PLEKHG3: variants seen among roughly 807,000 people sequenced by gnomAD.
PLEKHG3 encodes pleckstrin homology and RhoGEF domain containing G3, also known as pleckstrin homology domain-containing family G member 3.
A neutral mutation model predicts 94.9 loss-of-function variants in PLEKHG3; 62 were observed. The ratio of observed to expected loss-of-function variants is 0.65; its 90% confidence interval spans 0.53 to 0.81. The LOEUF (loss-of-function observed/expected upper bound fraction) is 0.81, where lower values mean the gene tolerates loss of function less well. Ranked by LOEUF, PLEKHG3 falls within the 30% of genes least tolerant of loss-of-function variation. The pLI, the probability that PLEKHG3 is intolerant of heterozygous loss-of-function variation, is 0.00. For missense variants in PLEKHG3, 1,461 were observed against 1,619.3 expected (o/e 0.90, Z 1.68); for synonymous variants, 614 against 654.0 (o/e 0.94, Z 0.93).
Position 64,725,445 on chromosome 14 carries a change from T to TGG in PLEKHG3, c.-39-2144_-39-2143dup, listed in dbSNP as rs1462150777. Among the ~76,000 whole-genome samples, 1 of 152,078 alleles carries TGG rather than the reference T, an allele frequency of 6.6e-6. No individual in the cohort carries two copies. The highest frequency in any genetic ancestry group is 1.5e-5 in the Non-Finnish European group (1 of 68,008). On this transcript the variant is annotated intron_variant, in intron 1 of 16. Transcript: ENST00000247226. The surrounding 1 kb of genome is among the most constrained non-coding windows in gnomAD (Gnocchi z 5.0). ...GAAGGACATCAGAGTGCCACAGGGC[T>TGG]GGGGGTTAAGGGCTGGGGTGGAGCT...
intron 3 of PLEKHG3, among the ~76,000 whole-genome samples, chr14:64,729,696 G>C (rs1175242030): frequency 6.6e-6 from 1 of 152,166 alleles, no homozygotes; most frequent in African/African-American, 2.4e-5. Flanking sequence ...CCTTAAGATG[G>C]GCAGAGGGAG....
At chr14:64,733,653 C>T (rs1308891320) in intron 12 of PLEKHG3, among the ~76,000 whole-genome samples, 7 of 152,162 alleles carry the variant, frequency 4.6e-5, no homozygotes, top group South Asian at 2.1e-4. Flanking sequence ...CCGGGGAAAA[C>T]GAGTTCAGTG....
intron 1 of PLEKHG3, among the ~76,000 whole-genome samples, chr14:64,719,823 G>A (rs1372334583): frequency 6.6e-6 from 1 of 152,220 alleles, no homozygotes; most frequent in Non-Finnish European, 1.5e-5. Context: ...GAAAGATGGC[G>A]AATTTGCAGG....
chr14:64,714,103 C>T (rs1308626799), intron 1 of PLEKHG3, among the ~76,000 whole-genome samples: 1 of 152,058 alleles, frequency 6.6e-6, no homozygotes, highest in African/African-American at 2.4e-5. Flanking sequence ...TCTTTGAGTG[C>T]CAGTTTGTTC....
At position 64,715,885 on chromosome 14, in the gene PLEKHG3, C is replaced by A; in HGVS notation, c.-40+11181C>A. ...ATGAGAGAAATGCAGAAAGTATGAC[C>A]CACACGCAGAACTGGTTCTGAATAG... is the stretch of plus-strand genomic sequence containing the variant. On this transcript the variant is annotated intron_variant, in intron 1 of 16. Coordinates refer to ENST00000247226, the MANE Select transcript of PLEKHG3 (RefSeq NM_001308147.2). The surrounding 1 kb of genome is among the most constrained non-coding windows in gnomAD (Gnocchi z 4.4). 1 of 361,170 alleles carries A rather than the reference C, an allele frequency of 2.8e-6. No individual in the cohort carries two copies. The highest frequency in any genetic ancestry group is 5.6e-6 in the Non-Finnish European group (1 of 179,120). The allele number at this position is 361,170 out of a possible 1,614,324, so 22.4% of individuals were successfully genotyped here.
Position 64,749,816 on chromosome 14 carries a change from G to C in PLEKHG3, c.*6113G>C. On this transcript the variant is annotated 3_prime_UTR_variant, in exon 17 of 17. Coordinates refer to ENST00000247226, the MANE Select transcript of PLEKHG3 (RefSeq NM_001308147.2). This position sits in a 1 kb window ranked among gnomAD's most constrained non-coding sequence, Gnocchi z 4.7. Reference sequence around the variant, plus strand: ...ATCCAGACCCCTCTCAGGCAGCCCAGCACTTTCTGAGAGGTCAAAGTCTGG... The same window carrying C: ...ATCCAGACCCCTCTCAGGCAGCCCACCACTTTCTGAGAGGTCAAAGTCTGG... 1 of 1,496,212 alleles carries C rather than the reference G, an allele frequency of 6.7e-7. No individual in the cohort carries two copies. The highest frequency in any genetic ancestry group is 2.4e-5 in the East Asian group (1 of 42,024). 92.7% of individuals were successfully genotyped at this position (1,496,212 alleles called of 1,614,324 possible).
intron 12 of PLEKHG3, among the ~76,000 whole-genome samples, chr14:64,736,214 C>T (rs2081565419): frequency 6.6e-6 from 1 of 152,222 alleles, no homozygotes; most frequent in African/African-American, 2.4e-5. Flanking sequence ...TCAGGTGTAT[C>T]CTCAAAAAGG....
At chr14:64,714,920 A>G (rs143397895) in intron 1 of PLEKHG3, among the ~76,000 whole-genome samples, 31 of 152,240 alleles carry the variant, frequency 2.0e-4, no homozygotes, top group African/African-American at 6.7e-4. Context: ...AGCACAAAAC[A>G]CTGGAAGACC....
chr14:64,740,380 C>T (rs994888737), intron 15 of PLEKHG3, among the ~76,000 whole-genome samples: 9 of 152,218 alleles, frequency 5.9e-5, no homozygotes, highest in Non-Finnish European at 4.4e-5. Context: ...AGAGGGAATT[C>T]TCAAGTTTGC....
rs17102019 is a variant in PLEKHG3 at position 64,732,730 on chromosome 14, T to G, written c.1247-73T>G. On this transcript the variant is annotated intron_variant, in intron 11 of 16. Coordinates refer to ENST00000247226, the MANE Select transcript of PLEKHG3 (RefSeq NM_001308147.2). The surrounding 1 kb of genome is among the most constrained non-coding windows in gnomAD (Gnocchi z 4.9). ...TGGGTGGGTATAGAGGTCTGGCTGG[T>G]TATGGACAGGGTCTAGGGTAGGCCA... 12,209 of 1,178,044 alleles carry G rather than the reference T, an allele frequency of 0.01. 906 individuals are homozygous for G. In the African/African-American group the frequency reaches 0.16, roughly 15 times the overall value. The allele number at this position is 1,178,044 out of a possible 1,614,324, so 73.0% of individuals were successfully genotyped here.
At position 64,730,886 on chromosome 14, in the gene PLEKHG3, G is replaced by T; in HGVS notation, c.654G>T (p.Leu218=). The T allele has an allele frequency of 2.5e-6, 4 of 1,613,162 alleles. No homozygotes were observed. Among genetic ancestry groups the T allele is most frequent in the Non-Finnish European group, 3.4e-6 (4 of 1,180,010 alleles). Residue 218 remains leucine, a synonymous_variant, in exon 6 of 17, where the codon CTG becomes CTT. Coordinates refer to ENST00000247226, the MANE Select transcript of PLEKHG3 (RefSeq NM_001308147.2). The surrounding 1 kb of genome is among the most constrained non-coding windows in gnomAD (Gnocchi z 5.4). ...GGCAGGAGCTGCTACAGCACTCGCT[G>T]CCCTTGGGCTCCTACCTGCTGAAGC... ...RDRQELLQHS[L]PLGSYLLKPV...
chr14:64,718,403 G>A lies in PLEKHG3; in HGVS notation c.-39-9190G>A, dbSNP rs1020112042. Among the ~76,000 whole-genome samples, 3 of 152,140 alleles carry A rather than the reference G, an allele frequency of 2.0e-5. No individual in the cohort carries two copies. Among genetic ancestry groups the A allele is most frequent in the Non-Finnish European group, 4.4e-5 (3 of 68,028 alleles). On this transcript the variant is annotated intron_variant, in intron 1 of 16. Coordinates refer to ENST00000247226, the MANE Select transcript of PLEKHG3 (RefSeq NM_001308147.2). This position sits in a 1 kb window ranked among gnomAD's most constrained non-coding sequence, Gnocchi z 5.0. ...TGAACTCCCATACTGCTCATGCCTGGATTCTCTCCCTCCTTTTCTTACAGA... is the reference window on the plus strand; with the variant it reads ...TGAACTCCCATACTGCTCATGCCTGAATTCTCTCCCTCCTTTTCTTACAGA...
At chr14:64,740,900 G>C in intron 15 of PLEKHG3, 136 bp from the exon 16 acceptor site, 1 of 666,536 alleles carries the variant, frequency 1.5e-6, no homozygotes, top group South Asian at 2.0e-5. Context: ...CCTAAGTCGT[G>C]CTCATTCTGA....
In PLEKHG3 at chr14:64,749,013, G is replaced by A. The variant is rs182353062; in HGVS notation, c.*5310G>A. 1.0e-4 allele frequency: 34 copies of A among 325,172 alleles called. No individual in the cohort carries two copies. Among genetic ancestry groups the A allele is most frequent in the African/African-American group, 7.5e-4 (33 of 43,742 alleles). 20.1% of individuals were successfully genotyped at this position (325,172 alleles called of 1,614,324 possible). A position where few individuals can be genotyped will look rare whatever the true frequency, so the allele number is the denominator to read the frequency against. ...CAGGAGGAGGGTGGGAGAGGAGGGCGTGTGCCTCAGAGAACCGTTTCCTGC... is the reference window on the plus strand; with the variant it reads ...CAGGAGGAGGGTGGGAGAGGAGGGCATGTGCCTCAGAGAACCGTTTCCTGC... On this transcript the variant is annotated 3_prime_UTR_variant, in exon 17 of 17. Transcript: ENST00000247226. The surrounding 1 kb of genome is among the most constrained non-coding windows in gnomAD (Gnocchi z 4.7).
intron 3 of PLEKHG3, among the ~76,000 whole-genome samples, chr14:64,729,444 T>C (rs2081416406): frequency 6.6e-6 from 1 of 152,188 alleles, no homozygotes; most frequent in Non-Finnish European, 1.5e-5. Flanking sequence ...TGTTAATTTC[T>C]TATCCTCCTT....
Position 64,743,187 on chromosome 14 carries a change from C to T in PLEKHG3, c.3144C>T (p.Pro1048=), listed in dbSNP as rs369471789. ...GCCCCACAGAGACCTTCAGCTGGCC[C>T]GACGTCCGTGAGCTCTGCTCCAAGT... ...PLSPTETFSW[P]DVRELCSKYA... is the part of the protein sequence containing the mutation. The change falls in exon 17 of 17, where the codon CCC becomes CCT. Residue 1048 remains proline (P), a synonymous_variant. Transcript: ENST00000247226. The surrounding 1 kb of genome is among the most constrained non-coding windows in gnomAD (Gnocchi z 7.2). 5.3e-5 allele frequency: 86 copies of T among 1,610,456 alleles called. 1 individual carries two copies. The South Asian group carries it at 6.1e-4, about 12-fold the overall frequency.
Position 64,727,649 on chromosome 14 carries a change from C to T in PLEKHG3, c.18C>T (p.Ser6=), listed in dbSNP as rs756611033. ...ATGCCAGGATGCCTGTGTCCACCTC[C>T]CTCCACCAGGATGGCAGCCAGGAGC... The part of the protein sequence containing the change: MPVST[S]LHQDGSQERP... Residue 6 remains serine, a synonymous_variant, in exon 2 of 17, where the codon TCC becomes TCT. Transcript: ENST00000247226. The surrounding 1 kb of genome is among the most constrained non-coding windows in gnomAD (Gnocchi z 6.0). 13 of 1,611,556 alleles carry T rather than the reference C, an allele frequency of 8.1e-6. No individual in the cohort carries two copies. Among genetic ancestry groups the T allele is most frequent in the African/African-American group, 5.3e-5 (4 of 74,914 alleles).
rs2081615423 is a variant in PLEKHG3 at position 64,738,259 on chromosome 14, A to G, written c.1405-483A>G. On this transcript the variant is annotated intron_variant, in intron 14 of 16. Coordinates refer to ENST00000247226, the MANE Select transcript of PLEKHG3 (RefSeq NM_001308147.2). This position sits in a 1 kb window ranked among gnomAD's most constrained non-coding sequence, Gnocchi z 4.8. ...CTCTTCGATCTCCCCTCCTCCTTGC[A>G]TGCTCCCTGGGATGTGCATGCCCAC... 1.6e-6 allele frequency: 2 copies of G among 1,253,854 alleles called. No homozygotes were observed. The highest frequency in any genetic ancestry group is 2.3e-5 in the Admixed American group (1 of 43,184). The allele number at this position is 1,253,854 out of a possible 1,614,324, so 77.7% of individuals were successfully genotyped here.
In PLEKHG3 at chr14:64,736,844, C is replaced by G; in HGVS notation, c.1346-9C>G. The G allele has an allele frequency of 6.2e-7, 1 of 1,610,806 alleles. No homozygotes were observed. The highest frequency in any genetic ancestry group is 8.5e-7 in the Non-Finnish European group (1 of 1,177,078). Reference sequence around the variant, plus strand: ...CCCGCGCTGACTCTGCTCATGCTTTCCTCCTCAGAGCCAACCAAACACCTG... The same window carrying G: ...CCCGCGCTGACTCTGCTCATGCTTTGCTCCTCAGAGCCAACCAAACACCTG... On this transcript the variant is annotated splice_polypyrimidine_tract_variant and intron_variant, in intron 12 of 16. Transcript: ENST00000247226.
Sources: allele counts gnomAD v4.1 joint callset (sites outside exome capture counted in the v4.1 genomes callset), GRCh38; gene constraint gnomAD v4.1.1; non-coding constraint Gnocchi (gnomAD v3.1); transcripts MANE v1.5; gene names NCBI Gene and HGNC (gene_info 2026-07-23, HGNC 2026-07-21).